Variants in ROBO2 observed in about 807,000 individuals in gnomAD.
ROBO2 encodes roundabout guidance receptor 2.
ROBO2 carries 53 observed loss-of-function variants against 160.8 expected under a neutral mutation model. The ratio of observed to expected loss-of-function variants is 0.33; its 90% CI spans 0.26 to 0.41. The LOEUF (loss-of-function observed/expected upper bound fraction) is 0.41, where lower values mean the gene tolerates loss of function less well. Among genes scored for constraint, ROBO2 ranks in the 10% least tolerant of loss-of-function variants. ROBO2 has a pLI of 1.00. For synonymous variants in ROBO2, 664 were observed against 611.7 expected, an observed-to-expected ratio of 1.09 and a Z score of -1.26; for missense variants, 1,577 against 1,722.4, an observed-to-expected ratio of 0.92 and a Z score of 1.49.
At chr3:76,013,637 G>T (rs1030871648) in intron 2 of ROBO2, among the ~76,000 whole-genome samples, 1 of 151,748 alleles carries the variant, frequency 6.6e-6, no homozygotes, top group African/African-American at 2.4e-5. Flanking sequence ...TGGAGGCTGG[G>T]CACGGCGCCT....
At chr3:76,322,200 ATAT>A (rs2072612439) in intron 2 of ROBO2, among the ~76,000 whole-genome samples, 1 of 116,244 alleles carries the variant, frequency 8.6e-6, no homozygotes, top group African/African-American at 3.3e-5. Flanking sequence ...ATATATATAT[ATAT>A]AATATACACA....
At chr3:77,262,802 A>G (rs2058860933) in intron 2 of ROBO2, among the ~76,000 whole-genome samples, 1 of 152,196 alleles carries the variant, frequency 6.6e-6, no homozygotes, top group Admixed American at 6.5e-5. Context: ...ATCCTCCCAC[A>G]TTCCCCAGCA....
chr3:77,527,528 A>G, intron 6 of ROBO2, 114 bp downstream of exon 7: 2 of 771,032 alleles, frequency 2.6e-6, no homozygotes, highest in Non-Finnish European at 3.6e-6. Context: ...TTAAAATAAT[A>G]CTTGAGACTG....
At chr3:75,978,987 A>G (rs147425156) in intron 2 of ROBO2, among the ~76,000 whole-genome samples, 1 of 151,558 alleles carries the variant, frequency 6.6e-6, no homozygotes, top group East Asian at 2.0e-4. Context: ...AGAAATTAGA[A>G]CGAAGGTGAA....
chr3:76,515,797 C>T (rs553530517), intron 2 of ROBO2, among the ~76,000 whole-genome samples: 3 of 152,250 alleles, frequency 2.0e-5, no homozygotes, highest in South Asian at 2.1e-4. Flanking sequence ...ATTCCCTTCT[C>T]ATTCTCAGTG....
chr3:76,798,593 C>CA (rs1263981207), intron 2 of ROBO2, among the ~76,000 whole-genome samples: 2 of 152,228 alleles, frequency 1.3e-5, no homozygotes, highest in East Asian at 3.9e-4. Context: ...TAAAAGCCCT[C>CA]AAAAAACTGG....
chr3:76,131,251 A>G (rs766044666), intron 2 of ROBO2, among the ~76,000 whole-genome samples: 2 of 152,170 alleles, frequency 1.3e-5, no homozygotes, highest in Non-Finnish European at 2.9e-5. Context: ...GTCTCCATTC[A>G]TTCCAGTGGA....
At chr3:76,660,119 TAGAC>T (rs3065728) in intron 2 of ROBO2, among the ~76,000 whole-genome samples, 41,962 of 151,902 alleles carry the variant, frequency 0.28, 6,215 homozygotes, top group East Asian at 0.47. Flanking sequence ...TTATGGCCGT[TAGAC>T]AGAGTAATTT....
At chr3:77,226,758 A>C (rs1331144977) in intron 2 of ROBO2, among the ~76,000 whole-genome samples, 1 of 152,134 alleles carries the variant, frequency 6.6e-6, no homozygotes, top group Non-Finnish European at 1.5e-5. Context: ...GTTGGGCAAA[A>C]TCATCTCACA....
intron 2 of ROBO2, among the ~76,000 whole-genome samples, chr3:76,758,608 C>T (rs931478950): frequency 4.0e-5 from 6 of 151,808 alleles, no homozygotes; most frequent in African/African-American, 1.4e-4. Context: ...GAGGATTGCA[C>T]CAACCCATTA....
intron 2 of ROBO2, among the ~76,000 whole-genome samples, chr3:76,727,273 A>G (rs577309342): frequency 6.6e-6 from 1 of 152,338 alleles, no homozygotes; most frequent in Admixed American, 6.5e-5. Context: ...AGTTAGTTCT[A>G]AAATGATCTT....
At chr3:77,098,871 C>T (rs1265370303) in intron 2 of ROBO2, among the ~76,000 whole-genome samples, 1 of 151,796 alleles carries the variant, frequency 6.6e-6, no homozygotes, top group Non-Finnish European at 1.5e-5. Context: ...AACAAACAAA[C>T]AAACAAACAA....
chr3:76,445,988 A>G (rs374969265), intron 2 of ROBO2, among the ~76,000 whole-genome samples: 37 of 152,216 alleles, frequency 2.4e-4, no homozygotes, highest in Non-Finnish European at 3.4e-4. Context: ...ACAAGACAGG[A>G]ATGCCCTCTC....
At chr3:76,901,620 ATATT>A (rs911605243) in intron 2 of ROBO2, among the ~76,000 whole-genome samples, 1 of 151,510 alleles carries the variant, frequency 6.6e-6, no homozygotes, top group Non-Finnish European at 1.5e-5. Context: ...ATAATATAAA[ATATT>A]TATTCCAAAT....
intron 5 of ROBO2, among the ~76,000 whole-genome samples, chr3:77,509,236 A>G (rs941809973): frequency 5.9e-5 from 9 of 151,718 alleles, no homozygotes; most frequent in African/African-American, 2.2e-4. Flanking sequence ...TTCAGGTGGG[A>G]AGGTAGGAAG....
chr3:75,979,039 T>A (rs2065207435), intron 2 of ROBO2, among the ~76,000 whole-genome samples: 1 of 151,536 alleles, frequency 6.6e-6, no homozygotes, highest in Non-Finnish European at 1.5e-5. Flanking sequence ...AATGTCTACT[T>A]GACCCACCAG....
chr3:75,928,492 A>C (rs1163208608), intron 1 of ROBO2, among the ~76,000 whole-genome samples: 1 of 150,438 alleles, frequency 6.6e-6, no homozygotes, highest in Non-Finnish European at 1.5e-5. Context: ...TCTTGGCCAG[A>C]CCATCAAGAA....
At chr3:76,571,176 G>T (rs1357881370) in intron 2 of ROBO2, among the ~76,000 whole-genome samples, 1 of 151,980 alleles carries the variant, frequency 6.6e-6, no homozygotes, top group African/African-American at 2.4e-5. Context: ...AAGAAACCAG[G>T]AAATACTAAT....
At chr3:76,459,238 G>A (rs910715094) in intron 2 of ROBO2, among the ~76,000 whole-genome samples, 9 of 151,822 alleles carry the variant, frequency 5.9e-5, no homozygotes, top group African/African-American at 2.2e-4. Flanking sequence ...ATGCAATGTG[G>A]GTAAAATTTG....
Sources: gnomAD v4.1 joint callset for allele counts (sites outside exome capture counted in the v4.1 genomes callset) on GRCh38, gnomAD v4.1.1 for gene constraint, MANE v1.5 for transcripts, NCBI Gene and HGNC (gene_info 2026-07-23, HGNC 2026-07-21) for gene names.